JARID2: variants seen among roughly 807,000 people sequenced by gnomAD.
The protein encoded by JARID2 is jumonji and AT-rich interaction domain containing 2.
A neutral mutation model predicts 125.6 loss-of-function variants in JARID2; 21 were observed. The ratio of observed to expected loss-of-function variants is 0.17; its 90% confidence interval spans 0.12 to 0.24. The LOEUF is 0.24. JARID2 is among the 10% of genes least tolerant of loss of function. The pLI is 1.00. For synonymous variants in JARID2, 736 were observed against 661.6 expected, an observed-to-expected ratio of 1.11 and a Z score of -1.73; for missense variants, 1,303 against 1,639.6, an observed-to-expected ratio of 0.79 and a Z score of 3.55.
intron 3 of JARID2, among the ~76,000 whole-genome samples, chr6:15,411,445 G>T (rs960924081): frequency 6.6e-6 from 1 of 152,174 alleles, no homozygotes; most frequent in Non-Finnish European, 1.5e-5. Context: ...CATTGAATCT[G>T]TATTCTTCTC....
chr6:15,341,288 T>G (rs1162315511), intron 1 of JARID2, among the ~76,000 whole-genome samples: 1 of 152,238 alleles, frequency 6.6e-6, no homozygotes, highest in Non-Finnish European at 1.5e-5. Flanking sequence ...CCATATGTTC[T>G]TTTTTACTCT....
At chr6:15,428,342 C>T (rs1407030724) in intron 3 of JARID2, among the ~76,000 whole-genome samples, 2 of 152,016 alleles carry the variant, frequency 1.3e-5, no homozygotes, top group Non-Finnish European at 2.9e-5. Flanking sequence ...GTAATGTATA[C>T]ATGTGCCATG....
intron 6 of JARID2, among the ~76,000 whole-genome samples, chr6:15,488,186 A>G (rs747346526): frequency 2.0e-5 from 3 of 152,152 alleles, no homozygotes; most frequent in Non-Finnish European, 2.9e-5. Flanking sequence ...GCCACAGATA[A>G]TGCCGGTTCT....
intron 5 of JARID2, 128 bp downstream of exon 5, chr6:15,468,846 A>G: frequency 2.4e-6 from 2 of 824,614 alleles, no homozygotes; most frequent in Non-Finnish European, 3.8e-6. Flanking sequence ...AGGGCCAGAC[A>G]CTTCATGGGC....
chr6:15,332,916 CTTTCTTTTCT>C (rs143925766), intron 1 of JARID2, among the ~76,000 whole-genome samples: 6 of 85,970 alleles, frequency 7.0e-5, no homozygotes, highest in South Asian at 8.3e-4. Flanking sequence ...AAAATTTACC[CTTTCTTTTCT>C]TTTCTTTTCT....
At chr6:15,460,791 G>A (rs2044793254) in intron 4 of JARID2, among the ~76,000 whole-genome samples, 1 of 152,086 alleles carries the variant, frequency 6.6e-6, no homozygotes, top group Non-Finnish European at 1.5e-5. Flanking sequence ...TGCAACCTCC[G>A]CCTCCCATGT....
intron 2 of JARID2, among the ~76,000 whole-genome samples, chr6:15,382,744 T>G (rs996847753): frequency 1.3e-5 from 2 of 152,244 alleles, no homozygotes; most frequent in Non-Finnish European, 2.9e-5. Flanking sequence ...CTAGTAGGCA[T>G]GGCTGCTTGC....
intron 2 of JARID2, among the ~76,000 whole-genome samples, chr6:15,385,770 T>C (rs992316769): frequency 6.6e-6 from 1 of 152,142 alleles, no homozygotes; most frequent in Non-Finnish European, 1.5e-5. Context: ...GATGTGCCAC[T>C]CTCTGTTCAG....
intron 1 of JARID2, among the ~76,000 whole-genome samples, chr6:15,357,497 C>T (rs1387557090): frequency 6.6e-6 from 1 of 152,020 alleles, no homozygotes; most frequent in Non-Finnish European, 1.5e-5. Flanking sequence ...TAGTGTGGGT[C>T]TAGATGGACA....
intron 3 of JARID2, among the ~76,000 whole-genome samples, chr6:15,444,359 A>T (rs1254986182): frequency 6.6e-6 from 1 of 152,144 alleles, no homozygotes; most frequent in Non-Finnish European, 1.5e-5. Context: ...TCACTTGAGG[A>T]TGTGTTTATT....
At chr6:15,491,220 G>C (rs939244058) in intron 6 of JARID2, among the ~76,000 whole-genome samples, 2 of 152,228 alleles carry the variant, frequency 1.3e-5, no homozygotes, top group Middle Eastern at 3.2e-3. Flanking sequence ...ACTTGCTGGT[G>C]GTGGGGTATT....
At chr6:15,337,454 C>T (rs900412067) in intron 1 of JARID2, among the ~76,000 whole-genome samples, 2 of 152,156 alleles carry the variant, frequency 1.3e-5, no homozygotes, top group South Asian at 2.1e-4. Flanking sequence ...ATGCCTGCAG[C>T]AGGCAAGGTC....
chr6:15,353,139 C>T (rs1763486821), intron 1 of JARID2, among the ~76,000 whole-genome samples: 3 of 152,136 alleles, frequency 2.0e-5, no homozygotes, highest in Admixed American at 2.0e-4. Context: ...TTTTTCAGAG[C>T]CACCGTATCA....
chr6:15,321,789 T>G (rs1425942054), intron 1 of JARID2, among the ~76,000 whole-genome samples: 2 of 126,362 alleles, frequency 1.6e-5, no homozygotes, highest in African/African-American at 3.3e-5. Context: ...TCTTGTTTTT[T>G]TTTTTTTTTT....
chr6:15,368,843 A>G lies in JARID2; in HGVS notation c.46-5274A>G. 7.5e-6 allele frequency: 3 copies of G among 401,608 alleles called. No individual in the cohort carries two copies. In the East Asian group the frequency reaches 2.2e-4, roughly 30 times the overall value. The allele number at this position is 401,608 out of a possible 1,614,324, so 24.9% of individuals were successfully genotyped here. A position where few individuals can be genotyped will look rare whatever the true frequency, so the allele number is the denominator to read the frequency against. ...TTTTCTTTCTGATGTATATAGGCAC[A>G]GGATGGAGTCCTATTTTGCAGAGCA... is the stretch of plus-strand genomic sequence containing the variant. On this transcript the variant is annotated intron_variant, in intron 1 of 17. Transcript: ENST00000341776.
chr6:15,300,751 CAG>C (rs1447461040), intron 1 of JARID2, among the ~76,000 whole-genome samples: 5 of 93,196 alleles, frequency 5.4e-5, no homozygotes, highest in Middle Eastern at 6.5e-3. Context: ...GAGAGAGAGA[CAG>C]AGAGGAGGGG....
rs34405141 is a variant in JARID2 at position 15,521,071 on chromosome 6, TAAAAAAAAAAA to T, written c.*830_*840del. 2 of 115,958 alleles carry T rather than the reference TAAAAAAAAAAA, an allele frequency of 1.7e-5. No homozygotes were observed. Among genetic ancestry groups the T allele is most frequent in the South Asian group, 3.1e-4 (1 of 3,262 alleles). The allele number at this position is 115,958 out of a possible 1,614,324, so 7.2% of individuals were successfully genotyped here. The stretch of plus-strand genomic sequence containing the variant: ...ACCCTTCAATAGCATCCTTAAGATT[TAAAAAAAAAAA>T]AAAAAAAAAGGAAAAAAAAGTGATG... On this transcript the variant is annotated 3_prime_UTR_variant, in exon 18 of 18. Transcript: ENST00000341776.
At chr6:15,301,735 G>A (rs1343934219) in intron 1 of JARID2, among the ~76,000 whole-genome samples, 2 of 152,220 alleles carry the variant, frequency 1.3e-5, no homozygotes, top group African/African-American at 4.8e-5. Context: ...GGAAAATTAT[G>A]TGGATACTCA....
At chr6:15,512,878 G>C (rs1346313411) in intron 14 of JARID2, 37 bp from the exon 15 acceptor site, 1 of 1,599,764 alleles carries the variant, frequency 6.3e-7, no homozygotes, top group East Asian at 2.2e-5. Flanking sequence ...GCCTAGTAAT[G>C]AAAATCCACC....
Sources: allele counts gnomAD v4.1 joint callset (sites outside exome capture counted in the v4.1 genomes callset), GRCh38; gene constraint gnomAD v4.1.1; transcripts MANE v1.5; gene names NCBI Gene and HGNC (gene_info 2026-07-23, HGNC 2026-07-21).